The following RANBP2 variants were observed in gnomAD, a reference collection of about 807,000 sequenced individuals.
The protein encoded by RANBP2 is RAN binding protein 2, also known as E3 SUMO-protein ligase RanBP2.
Under a neutral mutation model 303.6 loss-of-function variants are expected in RANBP2, and 57 were observed. The ratio of observed to expected loss-of-function variants is 0.19; its 90% CI spans 0.15 to 0.23. The LOEUF (loss-of-function observed/expected upper bound fraction) is 0.23. Ranked by LOEUF, RANBP2 falls within the 10% of genes least tolerant of loss-of-function variation. RANBP2 has a pLI of 1.00. For synonymous variants in RANBP2, 1,167 were observed against 1,301.5 expected, an observed-to-expected ratio of 0.90 and a Z score of 2.23; for missense variants, 3,138 against 3,780.8, an observed-to-expected ratio of 0.83 and a Z score of 4.46.
the RANBP2 span, among the ~76,000 whole-genome samples, chr2:109,196,801 G>T: frequency 9.2e-5 from 14 of 152,150 alleles, no homozygotes; most frequent in Non-Finnish European, 1.9e-4. Flanking sequence ...AATAGCATAC[G>T]GTCTGACTGC....
chr2:109,580,070 T>C, the RANBP2 span, among the ~76,000 whole-genome samples: 2 of 151,816 alleles, frequency 1.3e-5, no homozygotes, highest in East Asian at 1.9e-4. Context: ...GCAATGAGCC[T>C]AGATCGCACC....
At chr2:108,788,049 T>G (rs1443958025), downstream of RANBP2, 2 of 1,581,568 alleles carry the variant, frequency 1.3e-6, no homozygotes, top group Non-Finnish European at 1.7e-6. Context: ...TTTCAAATTT[T>G]TATCAGTCTA....
the RANBP2 span, among the ~76,000 whole-genome samples, chr2:109,081,420 C>A: frequency 0.2 from 30,852 of 152,136 alleles, 3,923 homozygotes; most frequent in Middle Eastern, 0.3. Context: ...CTGTGGTCCC[C>A]AACAACAGTG....
At chr2:109,249,548 C>T in the RANBP2 span, among the ~76,000 whole-genome samples, 229 of 110,978 alleles carry the variant, frequency 2.1e-3, 1 homozygote, top group South Asian at 3.9e-3. Flanking sequence ...TCCTTCCTTC[C>T]TTCCTTCCTT....
chr2:109,598,071 G>T, the RANBP2 span, among the ~76,000 whole-genome samples: 3 of 151,722 alleles, frequency 2.0e-5, no homozygotes, highest in Non-Finnish European at 2.9e-5. Flanking sequence ...GTTTTGTTTT[G>T]TTTTTTTTGA....
chr2:108,901,486 C>A, the RANBP2 span, among the ~76,000 whole-genome samples: 20 of 151,902 alleles, frequency 1.3e-4, no homozygotes, highest in African/African-American at 4.6e-4. Flanking sequence ...GAGCAGTAAT[C>A]AATGAAATTG....
chr2:109,659,716 A>G, the RANBP2 span, among the ~76,000 whole-genome samples: 1 of 152,224 alleles, frequency 6.6e-6, no homozygotes, highest in African/African-American at 2.4e-5. Context: ...CAGATGAGGT[A>G]TGGACTCTGA....
chr2:108,794,211 G>T, the RANBP2 span, among the ~76,000 whole-genome samples: 8 of 152,064 alleles, frequency 5.3e-5, no homozygotes, highest in African/African-American at 1.9e-4. Context: ...TGGTTTAGGG[G>T]AGAGAGGGGA....
At chr2:109,261,349 C>T in the RANBP2 span, among the ~76,000 whole-genome samples, 2 of 152,188 alleles carry the variant, frequency 1.3e-5, no homozygotes, top group Admixed American at 1.3e-4. Flanking sequence ...ACAGCAAGAG[C>T]TCTAGTTAAT....
At chr2:109,668,176 C>T in the RANBP2 span, among the ~76,000 whole-genome samples, 2 of 152,154 alleles carry the variant, frequency 1.3e-5, no homozygotes, top group Non-Finnish European at 2.9e-5. Flanking sequence ...TTGCAGGACC[C>T]GGGTTCATTT....
At chr2:108,911,142 G>A in the RANBP2 span, 22 of 1,596,604 alleles carry the variant, frequency 1.4e-5, no homozygotes, top group South Asian at 1.1e-4. Flanking sequence ...CCAGGACTCC[G>A]GCCCCTGGAA....
At chr2:109,307,204 G>A in the RANBP2 span, among the ~76,000 whole-genome samples, 1 of 152,198 alleles carries the variant, frequency 6.6e-6, no homozygotes, top group Non-Finnish European at 1.5e-5. Context: ...GTGCACATTT[G>A]AAAATTGAAT....
chr2:108,800,203 C>T, the RANBP2 span, among the ~76,000 whole-genome samples: 2 of 152,086 alleles, frequency 1.3e-5, no homozygotes, highest in East Asian at 3.9e-4. Flanking sequence ...TCTATTGTTA[C>T]CTTCTGGAGA....
At chr2:109,349,400 GCCTC>G in the RANBP2 span, among the ~76,000 whole-genome samples, 1 of 152,116 alleles carries the variant, frequency 6.6e-6, no homozygotes, top group African/African-American at 2.4e-5. Flanking sequence ...CTGCACTGGT[GCCTC>G]CCTCCCTCCC....
At chr2:109,277,991 A>G in the RANBP2 span, among the ~76,000 whole-genome samples, 1 of 146,726 alleles carries the variant, frequency 6.8e-6, no homozygotes, top group Non-Finnish European at 1.5e-5. Flanking sequence ...CCTGGGCAAC[A>G]AGGAGACCCT....
chr2:108,905,091 A>T, the RANBP2 span, among the ~76,000 whole-genome samples: 102 of 152,334 alleles, frequency 6.7e-4, no homozygotes, highest in African/African-American at 2.4e-3. Flanking sequence ...CCTGGGATTC[A>T]CCCCTGACTA....
downstream of RANBP2, among the ~76,000 whole-genome samples, chr2:108,788,619 C>T (rs1331772692): frequency 6.6e-6 from 1 of 151,648 alleles, no homozygotes; most frequent in Non-Finnish European, 1.5e-5. Context: ...ACTCAGGAGG[C>T]TGAGGCAGGA....
chr2:109,174,165 T>C, the RANBP2 span, among the ~76,000 whole-genome samples: 1 of 152,228 alleles, frequency 6.6e-6, no homozygotes, highest in Non-Finnish European at 1.5e-5. Context: ...CTCCAGGATG[T>C]TGTGGAGTTC....
At chr2:109,509,509 C>G in the RANBP2 span, among the ~76,000 whole-genome samples, 1 of 152,066 alleles carries the variant, frequency 6.6e-6, no homozygotes, top group Non-Finnish European at 1.5e-5. Context: ...GGCGGGTCGT[C>G]TTGCCCGGAT....
Sources: allele counts gnomAD v4.1 joint callset (sites outside exome capture counted in the v4.1 genomes callset), GRCh38; gene constraint gnomAD v4.1.1; transcripts MANE v1.5; gene names NCBI Gene and HGNC (gene_info 2026-07-23, HGNC 2026-07-21).